The following DARS1 variants were observed in gnomAD, a reference collection of about 807,000 sequenced individuals.
DARS1 encodes the protein aspartate--tRNA ligase, cytoplasmic.
Under a neutral mutation model 68.8 loss-of-function variants are expected in DARS1, and 51 were observed. That is an observed-to-expected ratio of 0.74 (90% confidence interval 0.59 to 0.94). The LOEUF (loss-of-function observed/expected upper bound fraction) is 0.94, where lower values mean the gene tolerates loss of function less well. Among genes scored for constraint, DARS1 ranks in the 40% least tolerant of loss-of-function variants. The probability of loss-of-function intolerance (pLI) is 0.00; values close to 1 mark genes in which losing one functional copy is unlikely to be tolerated. For synonymous variants in DARS1, 203 were observed against 190.4 expected, an observed-to-expected ratio of 1.07 and a Z score of -0.55; for missense variants, 607 against 597.3, an observed-to-expected ratio of 1.02 and a Z score of -0.17.
At chr2:135,907,650 C>T (rs991838929) in intron 15 of DARS1, among the ~76,000 whole-genome samples, 1 of 151,870 alleles carries the variant, frequency 6.6e-6, no homozygotes, top group Non-Finnish European at 1.5e-5. Flanking sequence ...AAAATGTGAA[C>T]CACAAAAATC....
intron 3 of DARS1, among the ~76,000 whole-genome samples, chr2:135,967,468 A>G (rs1032638677): frequency 6.6e-6 from 1 of 152,218 alleles, no homozygotes; most frequent in African/African-American, 2.4e-5. Flanking sequence ...ACTTATGCTC[A>G]TATGTTTCAC....
chr2:135,980,138 G>C (rs1318009149), intron 2 of DARS1, among the ~76,000 whole-genome samples: 1 of 152,092 alleles, frequency 6.6e-6, no homozygotes, highest in Admixed American at 6.6e-5. Context: ...TTTCCCTATC[G>C]AGCCTTTTGG....
chr2:135,934,109 A>G, intron 5 of DARS1, 119 bp from the exon 6 acceptor site: 1 of 1,408,758 alleles, frequency 7.1e-7, no homozygotes, highest in Non-Finnish European at 9.4e-7. Flanking sequence ...CTTTAATTGA[A>G]ACTACTTGCT....
intron 7 of DARS1, among the ~76,000 whole-genome samples, chr2:135,929,812 G>T (rs1256964230): frequency 6.6e-6 from 1 of 152,162 alleles, no homozygotes; most frequent in Non-Finnish European, 1.5e-5. Flanking sequence ...AGCGTTTTGT[G>T]GCTTTGTTAA....
In DARS1 at chr2:135,916,238, T is replaced by C; in HGVS notation, c.1094A>G (p.Glu365Gly). 1.3e-6 allele frequency: 2 copies of C among 1,592,126 alleles called. No homozygotes were observed. Among genetic ancestry groups the C allele is most frequent in the Non-Finnish European group, 1.7e-6 (2 of 1,160,174 alleles). ...LREAGVEMGD[E>G]DDLSTPNEKL... The stretch of plus-strand genomic sequence containing the variant: ...CACAAAGACAAACCTCAGATCGTCT[T>C]CATCTCCCATTTCGACTCCAGCTTC... Residue 365 changes from glutamate (E) to glycine (G), a missense_variant, in exon 11 of 16, where the codon GAA becomes GGA. Transcript: ENST00000264161.
At chr2:135,971,686 AAAAACCTAAAGACTCCAGC>A (rs1682373338) in intron 3 of DARS1, among the ~76,000 whole-genome samples, 1 of 152,192 alleles carries the variant, frequency 6.6e-6, no homozygotes, top group Non-Finnish European at 1.5e-5. Context: ...TTATATTTGG[AAAAACCTAAAGACTCCAGC>A]AAAACCTATC....
intron 3 of DARS1, among the ~76,000 whole-genome samples, chr2:135,977,858 A>G (rs1682533838): frequency 1.3e-5 from 2 of 152,202 alleles, no homozygotes; most frequent in South Asian, 4.1e-4. Context: ...GAAATGCTCT[A>G]TCGGCTGGGT....
At chr2:135,932,966 C>T in intron 6 of DARS1, 124 bp from the exon 7 acceptor site, 2 of 560,640 alleles carry the variant, frequency 3.6e-6, no homozygotes, top group South Asian at 5.2e-5. Flanking sequence ...TAATATTATG[C>T]CCGAAAATCA....
chr2:135,966,161 T>A (rs1682231294), intron 3 of DARS1, among the ~76,000 whole-genome samples: 1 of 151,528 alleles, frequency 6.6e-6, no homozygotes, highest in Non-Finnish European at 1.5e-5. Context: ...TGTCTGTCTG[T>A]AAATGTATTT....
chr2:135,941,416 C>T (rs915813278), intron 5 of DARS1, among the ~76,000 whole-genome samples: 36 of 152,136 alleles, frequency 2.4e-4, no homozygotes, highest in Admixed American at 7.2e-4. Context: ...GGAAAGGATT[C>T]CCTATTTAAT....
intron 11 of DARS1, 22 bp downstream of exon 11, chr2:135,916,201 TAAA>T: frequency 7.0e-7 from 1 of 1,418,900 alleles, no homozygotes; most frequent in East Asian, 2.3e-5. Flanking sequence ...GAACTTAAAG[TAAA>T]AAAAAAGCCA....
At chr2:135,920,344 T>A in intron 10 of DARS1, 109 bp downstream of exon 10, 2 of 1,430,832 alleles carry the variant, frequency 1.4e-6, no homozygotes, top group Non-Finnish European at 1.8e-6. Context: ...AATCTTTATA[T>A]ATATGTTCAT....
intron 7 of DARS1, among the ~76,000 whole-genome samples, chr2:135,924,724 G>A (rs1238699759): frequency 6.6e-6 from 1 of 152,216 alleles, no homozygotes; most frequent in Non-Finnish European, 1.5e-5. Flanking sequence ...GAAATCCTTA[G>A]TGAGCAGATG....
chr2:135,911,266 C>T, intron 14 of DARS1, 56 bp from the exon 15 acceptor site: 1 of 970,196 alleles, frequency 1.0e-6, no homozygotes, highest in South Asian at 1.3e-5. Context: ...CTTAAAAGGT[C>T]ACAAAAGCAA....
chr2:135,916,202 A>T, intron 11 of DARS1, 24 bp downstream of exon 11: 1 of 1,244,144 alleles, frequency 8.0e-7, no homozygotes, highest in South Asian at 1.4e-5. Flanking sequence ...AACTTAAAGT[A>T]AAAAAAAAGC....
Position 135,978,457 on chromosome 2 carries a change from A to G in DARS1, c.217+817T>C, listed in dbSNP as rs189719213. 3.6e-4 allele frequency among the ~76,000 whole-genome samples: 55 copies of G among 152,358 alleles called. No individual in the cohort carries two copies. In the East Asian group the frequency reaches 9.6e-3, roughly 27 times the overall value. On this transcript the variant is annotated intron_variant, in intron 3 of 15. Coordinates refer to ENST00000264161, the MANE Select transcript of DARS1 (RefSeq NM_001349.4). ...ATTCTGAACGTGTTTCCTCATTTAT[A>G]AAGTGGAATAGGAATGCTTGTTCTG... is the stretch of plus-strand genomic sequence containing the variant.
intron 7 of DARS1, among the ~76,000 whole-genome samples, chr2:135,928,414 G>A (rs1284414055): frequency 6.7e-6 from 1 of 149,940 alleles, no homozygotes; most frequent in Admixed American, 6.6e-5. Context: ...TTTGTTTTTT[G>A]AGATGGAGGA....
chr2:135,964,840 C>CAAAAA lies in DARS1; in HGVS notation c.218-3347_218-3343dup, dbSNP rs372676148. ...TGGGTAACAGAGCAAGACTCCACCT[C>CAAAAA]AAAAAAAAAAAAAAAAAAAAAAAGA... On this transcript the variant is annotated intron_variant, in intron 3 of 15. Coordinates refer to ENST00000264161, the MANE Select transcript of DARS1 (RefSeq NM_001349.4). Among the ~76,000 whole-genome samples, 325 of 49,090 alleles carry CAAAAA rather than the reference C, an allele frequency of 6.6e-3. 1 individual carries two copies. Among genetic ancestry groups the CAAAAA allele is most frequent in the East Asian group, 0.019 (33 of 1,730 alleles). 32.2% of individuals were successfully genotyped at this position (49,090 alleles called of 152,430 possible).
At position 135,924,261 on chromosome 2, in the gene DARS1, TA is replaced by T. The variant is rs200100343; in HGVS notation, c.676+125del. On this transcript the variant is annotated intron_variant, in intron 8 of 15. Transcript: ENST00000264161. ...CTATATAAGATGGTCTTCAAAATAG[TA>T]GTCTCATGGCAATAAACCTTAATGG... 1,740 of 1,028,990 alleles carry T rather than the reference TA, an allele frequency of 1.7e-3. 16 individuals are homozygous for T. In the African/African-American group the frequency reaches 0.027, roughly 16 times the overall value. The allele number at this position is 1,028,990 out of a possible 1,614,324, so 63.7% of individuals were successfully genotyped here. A position where few individuals can be genotyped will look rare whatever the true frequency, so the allele number is the denominator to read the frequency against.
Sources: gnomAD v4.1 joint callset for allele counts (sites outside exome capture counted in the v4.1 genomes callset) on GRCh38, gnomAD v4.1.1 for gene constraint, MANE v1.5 for transcripts, NCBI Gene and HGNC (gene_info 2026-07-23, HGNC 2026-07-21) for gene names.